Variants in C8orf34 observed in about 807,000 individuals in gnomAD.
C8orf34 encodes uncharacterized protein C8orf34.
Under a neutral mutation model 68.3 loss-of-function variants are expected in C8orf34, and 65 were observed. That is an observed-to-expected ratio of 0.95 (90% CI 0.78 to 1.17). The LOEUF (loss-of-function observed/expected upper bound fraction) is 1.17, where lower values mean the gene tolerates loss of function less well. Among genes scored for constraint, C8orf34 ranks in the 50% most tolerant of loss-of-function variants. The probability of loss-of-function intolerance (pLI) is 0.00; values close to 1 mark genes in which losing one functional copy is unlikely to be tolerated. For synonymous variants in C8orf34, 244 were observed against 241.2 expected (o/e 1.01, Z -0.11); for missense variants, 664 against 655.4 (o/e 1.01, Z -0.14).
chr8:68,695,440 C>T (rs1408944049), intron 8 of C8orf34, among the ~76,000 whole-genome samples: 1 of 152,134 alleles, frequency 6.6e-6, no homozygotes, highest in East Asian at 1.9e-4. Flanking sequence ...TGGGCCACCC[C>T]ACCCAGCCTG....
chr8:68,342,379 GTAT>G (rs1806107426), intron 1 of C8orf34, among the ~76,000 whole-genome samples: 1 of 152,144 alleles, frequency 6.6e-6, no homozygotes, highest in South Asian at 2.1e-4. Context: ...GTGAAAGACT[GTAT>G]TAAAAAGATT....
intron 8 of C8orf34, among the ~76,000 whole-genome samples, chr8:68,674,293 C>T (rs986811847): frequency 1.6e-4 from 24 of 152,086 alleles, no homozygotes; most frequent in African/African-American, 5.1e-4. Context: ...ATGACCTCAC[C>T]AGATGAACTA....
intron 5 of C8orf34, among the ~76,000 whole-genome samples, chr8:68,511,602 G>C (rs533360537): frequency 3.3e-5 from 5 of 152,244 alleles, no homozygotes; most frequent in African/African-American, 1.2e-4. Flanking sequence ...AAGGGGCGAA[G>C]AGAACCAGGA....
rs180730263 is a variant in C8orf34, at chr8:68,680,660, A to G, written c.1242-28334A>G. Among the ~76,000 whole-genome samples the G allele has an allele frequency of 4.9e-3, 739 of 152,274 alleles. 20 individuals are homozygous for G. The highest frequency in any genetic ancestry group is 7.9e-4 in the Non-Finnish European group (54 of 68,014). ...GAACAGGACAAAGGGAAAAAGCAAA[A>G]CCACTGATAAGGGTCCAACAAAGAT... On this transcript the variant is annotated intron_variant, in intron 8 of 13. Transcript: ENST00000518698.
chr8:68,592,225 A>AT (rs1817410941), intron 7 of C8orf34, among the ~76,000 whole-genome samples: 2 of 144,946 alleles, frequency 1.4e-5, no homozygotes, highest in Non-Finnish European at 3.0e-5. Flanking sequence ...AATATATTTA[A>AT]TTTTTTATTC....
intron 8 of C8orf34, among the ~76,000 whole-genome samples, chr8:68,651,827 C>T (rs1585675744): frequency 6.6e-6 from 1 of 152,074 alleles, no homozygotes; most frequent in African/African-American, 2.4e-5. Flanking sequence ...GTGATGAGTA[C>T]ACTAGAAGCC....
At chr8:68,342,577 A>G (rs1806116588) in intron 1 of C8orf34, among the ~76,000 whole-genome samples, 1 of 152,196 alleles carries the variant, frequency 6.6e-6, no homozygotes, top group Non-Finnish European at 1.5e-5. Context: ...CCAGAAATAA[A>G]CAATTCATAA....
chr8:68,689,710 A>C (rs1417223968), intron 8 of C8orf34, among the ~76,000 whole-genome samples: 1 of 152,084 alleles, frequency 6.6e-6, no homozygotes, highest in Non-Finnish European at 1.5e-5. Context: ...AGAGAAAATA[A>C]GAACAAAGCT....
intron 4 of C8orf34, among the ~76,000 whole-genome samples, chr8:68,486,748 G>T (rs995667596): frequency 1.3e-5 from 2 of 152,170 alleles, no homozygotes; most frequent in African/African-American, 4.8e-5. Context: ...TTCTACTGAG[G>T]TTCATTGTCC....
At position 68,521,795 on chromosome 8, in the gene C8orf34, T is replaced by C; in HGVS notation, c.766-4T>C. 6.2e-7 allele frequency: 1 copy of C among 1,610,370 alleles called. No homozygotes were observed. The highest frequency in any genetic ancestry group is 8.5e-7 in the Non-Finnish European group (1 of 1,178,076). ...AAGACAGCATATTCTTTTCTTCTCT[T>C]CAGGAAACAGTGACATTTAATTCTT... is the stretch of plus-strand genomic sequence containing the variant. On this transcript the variant is annotated splice_polypyrimidine_tract_variant and splice_region_variant and intron_variant, in intron 5 of 13. Coordinates refer to ENST00000518698, the MANE Select transcript of C8orf34 (RefSeq NM_052958.4).
At chr8:68,629,861 G>A (rs1352653679) in intron 7 of C8orf34, among the ~76,000 whole-genome samples, 1 of 152,050 alleles carries the variant, frequency 6.6e-6, no homozygotes, top group Non-Finnish European at 1.5e-5. Flanking sequence ...GTGCGTATGT[G>A]TGTATGTGTG....
At chr8:68,732,114 A>G (rs1563635820) in intron 10 of C8orf34, among the ~76,000 whole-genome samples, 1 of 152,240 alleles carries the variant, frequency 6.6e-6, no homozygotes, top group African/African-American at 2.4e-5. Context: ...GAGAACAAAA[A>G]TCACAGTCAG....
intron 7 of C8orf34, among the ~76,000 whole-genome samples, chr8:68,567,755 C>T (rs1816640271): frequency 2.0e-5 from 3 of 148,632 alleles, no homozygotes; most frequent in South Asian, 4.2e-4. Context: ...GTTTCAATTT[C>T]ATTTAGTTCT....
rs779316624 is a variant in C8orf34, at chr8:68,815,981, G to A, written c.1609+36G>A. On this transcript the variant is annotated intron_variant, in intron 13 of 13. Transcript: ENST00000518698. Reference sequence around the variant, plus strand: ...TCAGGGCACTTAATATCGATGTCGGGTAATGGCGGGTACCTTCTAAAACTG... The same window carrying A: ...TCAGGGCACTTAATATCGATGTCGGATAATGGCGGGTACCTTCTAAAACTG... The A allele has an allele frequency of 2.7e-5, 43 of 1,613,236 alleles. No homozygotes were observed. In the East Asian group the frequency reaches 6.7e-4, roughly 25 times the overall value.
intron 2 of C8orf34, among the ~76,000 whole-genome samples, chr8:68,445,092 C>T (rs1302611238): frequency 2.0e-5 from 3 of 152,082 alleles, no homozygotes; most frequent in Admixed American, 2.0e-4. Flanking sequence ...TCTAGCAGAC[C>T]GTGGACAAAT....
chr8:68,811,590 A>T (rs906518199), intron 12 of C8orf34, among the ~76,000 whole-genome samples: 1 of 152,222 alleles, frequency 6.6e-6, no homozygotes, highest in Admixed American at 6.5e-5. Flanking sequence ...AATCACTAAC[A>T]TTAAATAGAT....
intron 1 of C8orf34, among the ~76,000 whole-genome samples, chr8:68,386,274 C>T (rs1808257415): frequency 6.6e-6 from 1 of 152,120 alleles, no homozygotes; most frequent in East Asian, 1.9e-4. Context: ...TAATATGAAG[C>T]TTTATAGGGA....
rs187387955 is a variant in C8orf34 at position 68,522,595 on chromosome 8, G to A, written c.938+624G>A. ...AATGGTGGCAGGAGATTTACTTTACGTGCCCATGTGCTGGTAATAGTGAAT... is the reference window on the plus strand; with the variant it reads ...AATGGTGGCAGGAGATTTACTTTACATGCCCATGTGCTGGTAATAGTGAAT... On this transcript the variant is annotated intron_variant, in intron 6 of 13. Coordinates refer to ENST00000518698, the MANE Select transcript of C8orf34 (RefSeq NM_052958.4). Among the ~76,000 whole-genome samples, 226 of 152,104 alleles carry A rather than the reference G, an allele frequency of 1.5e-3. 1 individual carries two copies. Among genetic ancestry groups the A allele is most frequent in the Non-Finnish European group, 2.3e-3 (154 of 67,996 alleles).
intron 4 of C8orf34, among the ~76,000 whole-genome samples, chr8:68,484,328 C>T (rs1812985308): frequency 1.3e-5 from 2 of 152,198 alleles, no homozygotes; most frequent in South Asian, 4.1e-4. Context: ...TCACCTCTAA[C>T]ATTGGGGATT....
Sources: allele counts gnomAD v4.1 joint callset (sites outside exome capture counted in the v4.1 genomes callset), GRCh38; gene constraint gnomAD v4.1.1; transcripts MANE v1.5; gene names NCBI Gene and HGNC (gene_info 2026-07-23, HGNC 2026-07-21).